The following MIA3 variants were observed in gnomAD, a reference collection of about 807,000 sequenced individuals.
MIA3 encodes the protein transport and Golgi organization protein 1 homolog.
Under a neutral mutation model 192.4 loss-of-function variants are expected in MIA3, and 90 were observed. The observed-to-expected ratio is 0.47, with a 90% CI of 0.39 to 0.56. MIA3 has a LOEUF of 0.56. Among genes scored for constraint, MIA3 ranks in the 20% least tolerant of loss-of-function variants. MIA3 has a pLI of 0.00. For missense variants in MIA3, 2,123 were observed against 2,269.4 expected (o/e 0.94, Z 1.31); for synonymous variants, 740 against 792.8 (o/e 0.93, Z 1.12).
At chr1:222,635,869 G>A (rs751858004) in intron 6 of MIA3, among the ~76,000 whole-genome samples, 6 of 152,096 alleles carry the variant, frequency 3.9e-5, no homozygotes, top group Non-Finnish European at 8.8e-5. Flanking sequence ...AGTGTAAGCC[G>A]CCTACCTTGC....
At chr1:222,641,726 C>T in intron 6 of MIA3, 1 of 558,304 alleles carries the variant, frequency 1.8e-6, no homozygotes, top group Non-Finnish European at 3.6e-6. Flanking sequence ...TTCAGACAGT[C>T]CTTGGCTTCT....
chr1:222,632,181 T>C lies in MIA3; in HGVS notation c.3186T>C (p.His1062=), dbSNP rs943934852. The C allele has an allele frequency of 6.2e-7, 1 of 1,614,078 alleles. No homozygotes were observed. Among genetic ancestry groups the C allele is most frequent in the East Asian group, 2.2e-5 (1 of 44,886 alleles). The change falls in exon 5 of 28, where the codon CAT becomes CAC. Residue 1062 remains histidine, a synonymous_variant. Transcript: ENST00000344922. ...GGAMEEMQPL[H]EDNFSREKTA... is the part of the protein sequence containing the mutation. ...TCACCCTAGAGATGCAACCACTGCA[T>C]GAAGATAATTTCTCACGAGAGAAGA...
intron 2 of MIA3, among the ~76,000 whole-genome samples, chr1:222,621,907 C>T (rs1661884878): frequency 6.6e-6 from 1 of 150,826 alleles, no homozygotes; most frequent in Non-Finnish European, 1.5e-5. Flanking sequence ...CTCCCGGGTT[C>T]ACGCCATTCT....
chr1:222,624,653 A>C, intron 2 of MIA3, 115 bp from the exon 3 acceptor site: 1 of 623,800 alleles, frequency 1.6e-6, no homozygotes, highest in Non-Finnish European at 2.9e-6. Context: ...TGACATTACA[A>C]GAAAAAGTTG....
At position 222,621,285 on chromosome 1, in the gene MIA3, C is replaced by G; in HGVS notation, c.260C>G (p.Ala87Gly). ...KLARGWPEVW[A>G]GSVGRTFGYF... is the part of the protein sequence containing the mutation. Reference sequence around the variant, plus strand: ...GCAAGAGGATGGCCTGAAGTTTGGGCTGGAAGTGTAAGTAAAATATCGACA... The same window carrying G: ...GCAAGAGGATGGCCTGAAGTTTGGGGTGGAAGTGTAAGTAAAATATCGACA... Residue 87 changes from alanine (A) to glycine (G), a missense_variant, in exon 2 of 28, where the codon GCT becomes GGT. Ala to Gly is a moderately conservative substitution (Grantham distance 60, BLOSUM62 0). Around this residue, in one of 3 missense-constraint regions of MIA3, gnomAD observed 1,357 missense variants for 1,396.1 expected, o/e 0.97. Transcript: ENST00000344922. 1 of 1,605,400 alleles carries G rather than the reference C, an allele frequency of 6.2e-7. No homozygotes were observed.
intron 18 of MIA3, among the ~76,000 whole-genome samples, chr1:222,657,337 A>G (rs1421174683): frequency 6.6e-6 from 1 of 152,020 alleles, no homozygotes; most frequent in Non-Finnish European, 1.5e-5. Context: ...GCAGCCCTGA[A>G]CTCCCTCCGC....
rs1397349928 is a variant in MIA3, at chr1:222,624,833, A to G, written c.333A>G (p.Glu111=). 6.3e-7 allele frequency: 1 copy of G among 1,596,470 alleles called. No individual in the cohort carries two copies. Among genetic ancestry groups the G allele is most frequent in the Non-Finnish European group, 8.6e-7 (1 of 1,165,184 alleles). ...LIQVVHEYTK[E]ELQVPTDETD... ...AGGTAGTTCATGAATATACCAAAGA[A>G]GAGCTACAAGTTCCAACAGATGTAA... is the stretch of plus-strand genomic sequence containing the variant. Residue 111 remains glutamate (E), a synonymous_variant, in exon 3 of 28, where the codon GAA becomes GAG. Transcript: ENST00000344922.
intron 17 of MIA3, 76 bp downstream of exon 17, chr1:222,654,555 T>C: frequency 6.4e-7 from 1 of 1,555,388 alleles, no homozygotes; most frequent in Non-Finnish European, 8.8e-7. Context: ...AAGAGCGGCT[T>C]CCTGCTTTCA....
At position 222,630,274 on chromosome 1, in the gene MIA3, T is replaced by G. The variant is rs746935170; in HGVS notation, c.3054T>G (p.Leu1018=). Residue 1018 remains leucine, a synonymous_variant, in exon 4 of 28, where the codon CTT becomes CTG. Coordinates refer to ENST00000344922, the MANE Select transcript of MIA3 (RefSeq NM_198551.4). ...ENNIFEEAAV[L]DDIQDLIYFV... The stretch of plus-strand genomic sequence containing the variant: ...ACATATTTGAAGAGGCTGCAGTGCT[T>G]GATGACATTCAAGACCTCATCTATT... 1.9e-6 allele frequency: 3 copies of G among 1,614,096 alleles called. No individual in the cohort carries two copies. In the African/African-American group the frequency reaches 4.0e-5, roughly 22 times the overall value.
chr1:222,619,764 C>A (rs1216535160), intron 1 of MIA3, among the ~76,000 whole-genome samples: 1 of 152,192 alleles, frequency 6.6e-6, no homozygotes, highest in Non-Finnish European at 1.5e-5. Flanking sequence ...TGTAACATAA[C>A]TTGAGAAATG....
intron 7 of MIA3, among the ~76,000 whole-genome samples, chr1:222,647,722 C>T (rs533676095): frequency 6.6e-6 from 1 of 152,262 alleles, no homozygotes; most frequent in African/African-American, 2.4e-5. Flanking sequence ...TGCTGTTCCT[C>T]AGCCTCAGCA....
intron 3 of MIA3, among the ~76,000 whole-genome samples, chr1:222,626,992 A>T (rs894321250): frequency 5.8e-4 from 88 of 152,230 alleles, no homozygotes; most frequent in Non-Finnish European, 3.1e-4. Flanking sequence ...TCAGGCATAG[A>T]TGATGGGAGT....
At position 222,629,663 on chromosome 1, in the gene MIA3, C is replaced by T. The variant is rs1432272991; in HGVS notation, c.2443C>T (p.Pro815Ser). The T allele has an allele frequency of 1.2e-6, 2 of 1,614,118 alleles. No homozygotes were observed. The highest frequency in any genetic ancestry group is 1.6e-4 in the Middle Eastern group (1 of 6,062). ...EPNTMVEKER[P>S]LADKKAQRPF... ...AAATACAATGGTGGAAAAAGAACGC[C>T]CTCTGGCAGATAAGAAAGCACAGAG... The change falls in exon 4 of 28, where the codon CCT (proline) becomes TCT (serine). Residue 815 changes from proline to serine, a missense_variant. This residue lies in a region of MIA3 where 1,357 missense variants were observed against 1,396.1 expected (regional missense o/e 0.97). Coordinates refer to ENST00000344922, the MANE Select transcript of MIA3 (RefSeq NM_198551.4).
chr1:222,654,805 A>C lies in MIA3; in HGVS notation c.4607+12A>C. The stretch of plus-strand genomic sequence containing the variant: ...ATGGCTTTGCAAAAGTAAGATTATC[A>C]TCATTTACTGTTAACTGTATTGTCA... On this transcript the variant is annotated intron_variant, in intron 18 of 27. Transcript: ENST00000344922. 6.2e-7 allele frequency: 1 copy of C among 1,609,344 alleles called. No individual in the cohort carries two copies.
rs1664350622 is a variant in MIA3 at position 222,667,682 on chromosome 1, G to A, written c.*2063G>A. On this transcript the variant is annotated 3_prime_UTR_variant, in exon 28 of 28. Coordinates refer to ENST00000344922, the MANE Select transcript of MIA3 (RefSeq NM_198551.4). ...CATTTCTGCAGCAAACCCCAAAGCA[G>A]GGTGCCAATATGCAGATGGCATAGG... 1 of 152,150 alleles carries A rather than the reference G, an allele frequency of 6.6e-6. No homozygotes were observed. Among genetic ancestry groups the A allele is most frequent in the South Asian group, 2.1e-4 (1 of 4,828 alleles). 9.4% of individuals were successfully genotyped at this position (152,150 alleles called of 1,614,324 possible). A position where few individuals can be genotyped will look rare whatever the true frequency, so the allele number is the denominator to read the frequency against.
At position 222,650,648 on chromosome 1, in the gene MIA3, G is replaced by A; in HGVS notation, c.3735G>A (p.Lys1245=). The part of the protein sequence containing the change: ...SNYEQKIKES[K]KHVQETRKQN... The stretch of plus-strand genomic sequence containing the variant: ...ATTTTATATAGATCAAGGAATCAAA[G>A]AAACATGTTCAGGAAACCAGGAAAC... Residue 1245 remains lysine, a synonymous_variant, in exon 10 of 28, where the codon AAG becomes AAA. Coordinates refer to ENST00000344922, the MANE Select transcript of MIA3 (RefSeq NM_198551.4). 1.9e-6 allele frequency: 3 copies of A among 1,589,758 alleles called. No homozygotes were observed. The highest frequency in any genetic ancestry group is 2.6e-6 in the Non-Finnish European group (3 of 1,164,084).
intron 7 of MIA3, 103 bp downstream of exon 7, chr1:222,645,788 G>T: frequency 3.9e-6 from 4 of 1,014,360 alleles, no homozygotes; most frequent in Non-Finnish European, 5.7e-6. Context: ...AGAAATTAAT[G>T]CTTTTAATTC....
chr1:222,643,583 A>C (rs1288199103), intron 6 of MIA3, among the ~76,000 whole-genome samples: 1 of 152,080 alleles, frequency 6.6e-6, no homozygotes, highest in African/African-American at 2.4e-5. Context: ...TTCCCCACAG[A>C]TTAAATGTCC....
At position 222,628,343 on chromosome 1, in the gene MIA3, G is replaced by C; in HGVS notation, c.1123G>C (p.Asp375His). ...QLTVPPGIKNDDKNILTTWGD... is the reference protein window; with the variant it reads ...QLTVPPGIKNHDKNILTTWGD... ...AACTGTGCCCCCTGGCATCAAAAAT[G>C]ATGATAAAAATATACTAACAACCTG... The change falls in exon 4 of 28, where the codon GAT (aspartate) becomes CAT (histidine). Residue 375 changes from aspartate to histidine, a missense_variant. Around this residue, in one of 3 missense-constraint regions of MIA3, gnomAD observed 1,357 missense variants for 1,396.1 expected, o/e 0.97. Coordinates refer to ENST00000344922, the MANE Select transcript of MIA3 (RefSeq NM_198551.4). The C allele has an allele frequency of 6.2e-7, 1 of 1,613,524 alleles. No individual in the cohort carries two copies. Among genetic ancestry groups the C allele is most frequent in the Non-Finnish European group, 8.5e-7 (1 of 1,179,840 alleles).
Sources: allele counts gnomAD v4.1 joint callset (sites outside exome capture counted in the v4.1 genomes callset), GRCh38; gene constraint gnomAD v4.1.1; regional missense constraint gnomAD v4.1.1; transcripts MANE v1.5; gene names NCBI Gene and HGNC (gene_info 2026-07-23, HGNC 2026-07-21).